The following MAP2K6 variants were observed in gnomAD, a reference collection of about 807,000 sequenced individuals.
MAP2K6 encodes mitogen-activated protein kinase kinase 6.
Under a neutral mutation model 53.7 loss-of-function variants are expected in MAP2K6, and 16 were observed. That is an observed-to-expected ratio of 0.30 (90% CI 0.20 to 0.45). MAP2K6 has a LOEUF of 0.45. Ranked by LOEUF, MAP2K6 falls within the 20% of genes least tolerant of loss-of-function variation. MAP2K6 has a pLI of 1.00. For synonymous variants in MAP2K6, 132 were observed against 143.1 expected (o/e 0.92, Z 0.55); for missense variants, 204 against 411.9 (o/e 0.50, Z 4.37).
In MAP2K6 at chr17:69,526,222, A is replaced by G. The variant is rs183191837; in HGVS notation, c.742-348A>G. On this transcript the variant is annotated intron_variant, in intron 9 of 11. Transcript: ENST00000590474. ...CTGGAAAGATCTTAGGCTGGGAATT[A>G]CTTGTCAGACCAAACGTTTGAAATC... Among the ~76,000 whole-genome samples the G allele has an allele frequency of 3.9e-5, 6 of 152,350 alleles. No individual in the cohort carries two copies. In the East Asian group the frequency reaches 9.7e-4, roughly 25 times the overall value.
intron 11 of MAP2K6, among the ~76,000 whole-genome samples, chr17:69,539,383 A>G (rs1230004220): frequency 4.6e-5 from 7 of 152,156 alleles, no homozygotes; most frequent in Non-Finnish European, 1.5e-5. Context: ...TATTATTCAT[A>G]GTCCCTCATT....
intron 1 of MAP2K6, among the ~76,000 whole-genome samples, chr17:69,454,791 T>G (rs1349707317): frequency 5.3e-5 from 8 of 152,208 alleles, no homozygotes; most frequent in Admixed American, 5.2e-4. Context: ...ATTCAAGGAC[T>G]ATTTGATAAA....
chr17:69,474,684 G>C (rs1908081601), intron 1 of MAP2K6, among the ~76,000 whole-genome samples: 1 of 152,242 alleles, frequency 6.6e-6, no homozygotes, highest in African/African-American at 2.4e-5. Flanking sequence ...AGCTGTTCCA[G>C]ATGGTGGTAA....
chr17:69,517,691 T>C (rs1048340263), intron 4 of MAP2K6, 78 bp downstream of exon 4: 13 of 929,822 alleles, frequency 1.4e-5, no homozygotes, highest in South Asian at 7.5e-5. Flanking sequence ...CCAGCCCTTT[T>C]AATAGAAGCA....
chr17:69,473,133 C>A lies in MAP2K6; in HGVS notation c.17-32647C>A, dbSNP rs1280974802. Reference sequence around the variant, plus strand: ...AGAAATATGCCGTAGGAAACTTATTCTTGTTTATATTAATTAGCCTGTGGT... The same window carrying A: ...AGAAATATGCCGTAGGAAACTTATTATTGTTTATATTAATTAGCCTGTGGT... On this transcript the variant is annotated intron_variant, in intron 1 of 11. Transcript: ENST00000590474. Among the ~76,000 whole-genome samples the A allele has an allele frequency of 5.3e-5, 8 of 152,024 alleles. No homozygotes were observed. The East Asian group carries it at 1.5e-3, about 29-fold the overall frequency.
At chr17:69,522,571 G>A (rs1252975917) in intron 7 of MAP2K6, among the ~76,000 whole-genome samples, 1 of 152,062 alleles carries the variant, frequency 6.6e-6, no homozygotes, top group African/African-American at 2.4e-5. Flanking sequence ...ATTATCCAGA[G>A]ATAATCGTAG....
At chr17:69,449,687 A>C (rs2145157291) in intron 1 of MAP2K6, among the ~76,000 whole-genome samples, 1 of 128,760 alleles carries the variant, frequency 7.8e-6, no homozygotes, top group Middle Eastern at 5.3e-3. Flanking sequence ...ATCTCGGCTC[A>C]CTGCAGGCTC....
chr17:69,533,117 C>T (rs1398600228), intron 10 of MAP2K6, among the ~76,000 whole-genome samples: 1 of 151,890 alleles, frequency 6.6e-6, no homozygotes, highest in South Asian at 2.1e-4. Context: ...TTAGTAGAGT[C>T]GGGGTTTCAC....
chr17:69,414,725 A>C lies in MAP2K6; in HGVS notation c.-260A>C, dbSNP rs1026511949. The stretch of plus-strand genomic sequence containing the variant: ...TCCAAGTTTGGAGCTTTTAGCTGCC[A>C]GCCCTGGCCCATCATGTAGCTGCAG... On this transcript the variant is annotated 5_prime_UTR_variant, in exon 1 of 12. Coordinates refer to ENST00000590474, the MANE Select transcript of MAP2K6 (RefSeq NM_002758.4). The C allele has an allele frequency of 1.2e-5, 5 of 432,944 alleles. No homozygotes were observed. The highest frequency in any genetic ancestry group is 1.7e-5 in the Non-Finnish European group (4 of 240,134). The allele number at this position is 432,944 out of a possible 1,614,324, so 26.8% of individuals were successfully genotyped here. A position where few individuals can be genotyped will look rare whatever the true frequency, so the allele number is the denominator to read the frequency against.
At chr17:69,426,456 G>A (rs2145132470) in intron 1 of MAP2K6, among the ~76,000 whole-genome samples, 1 of 152,226 alleles carries the variant, frequency 6.6e-6, no homozygotes, top group Middle Eastern at 3.4e-3. Context: ...TATATTTGAG[G>A]TACTTTGCTA....
At chr17:69,447,607 AAGTGCTGG>A (rs1404794334) in intron 1 of MAP2K6, among the ~76,000 whole-genome samples, 1 of 152,216 alleles carries the variant, frequency 6.6e-6, no homozygotes, top group Non-Finnish European at 1.5e-5. Flanking sequence ...TGGCCTCCCA[AAGTGCTGG>A]GATTACAGGC....
chr17:69,477,635 G>A (rs1021460929), intron 1 of MAP2K6: 2 of 152,168 alleles, frequency 1.3e-5, no homozygotes, highest in Non-Finnish European at 2.9e-5. Flanking sequence ...AGGGTCTAAT[G>A]AGGAAAATGC....
At chr17:69,512,909 A>G (rs1483518606) in intron 2 of MAP2K6, among the ~76,000 whole-genome samples, 1 of 152,186 alleles carries the variant, frequency 6.6e-6, no homozygotes, top group Non-Finnish European at 1.5e-5. Context: ...TTATAAATGA[A>G]TAATTATCAT....
chr17:69,451,154 T>C (rs1166770869), intron 1 of MAP2K6, among the ~76,000 whole-genome samples: 1 of 152,188 alleles, frequency 6.6e-6, no homozygotes, highest in Non-Finnish European at 1.5e-5. Flanking sequence ...GAGTTAACAA[T>C]AGCGAATGGT....
chr17:69,520,366 T>G lies in MAP2K6; in HGVS notation c.463T>G (p.Leu155Val). ...AGGCCAGACAATTCCAGAGGACATCTTAGGGAAAATAGCAGTTTCTGTGAG... is the reference window on the plus strand; with the variant it reads ...AGGCCAGACAATTCCAGAGGACATCGTAGGGAAAATAGCAGTTTCTGTGAG... ...DKGQTIPEDILGKIAVSIVKA... is the reference protein window; with the variant it reads ...DKGQTIPEDIVGKIAVSIVKA... Residue 155 changes from leucine to valine, a missense_variant, in exon 6 of 12, where the codon TTA becomes GTA. This residue lies in a region of MAP2K6 where 129 missense variants were observed against 247.1 expected (regional missense o/e 0.52). Coordinates refer to ENST00000590474, the MANE Select transcript of MAP2K6 (RefSeq NM_002758.4). 1 of 1,603,830 alleles carries G rather than the reference T, an allele frequency of 6.2e-7. No individual in the cohort carries two copies. The highest frequency in any genetic ancestry group is 1.1e-5 in the South Asian group (1 of 89,364).
At chr17:69,523,032 G>C (rs964879913) in intron 7 of MAP2K6, among the ~76,000 whole-genome samples, 1 of 152,184 alleles carries the variant, frequency 6.6e-6, no homozygotes, top group Non-Finnish European at 1.5e-5. Flanking sequence ...CTGCACACCG[G>C]TTGAGTGACA....
At chr17:69,503,346 C>G (rs1444144647) in intron 1 of MAP2K6, among the ~76,000 whole-genome samples, 2 of 152,198 alleles carry the variant, frequency 1.3e-5, no homozygotes, top group Non-Finnish European at 2.9e-5. Context: ...ATTCTCATAA[C>G]TGGGTCCAGC....
chr17:69,535,227 C>T (rs1163942220), intron 10 of MAP2K6, among the ~76,000 whole-genome samples: 8 of 152,160 alleles, frequency 5.3e-5, no homozygotes, highest in East Asian at 3.9e-4. Context: ...TCACTGAGTG[C>T]GCTCTCTCTT....
chr17:69,541,780 C>CT lies in MAP2K6; in HGVS notation c.*28dup, dbSNP rs1911650536. On this transcript the variant is annotated 3_prime_UTR_variant, in exon 12 of 12. Transcript: ENST00000590474. ...AAGCAGTGGACTTAATCGGTTGACC[C>CT]TACTGTGGATTGGTGGGTTTCGGGG... 6.3e-7 allele frequency: 1 copy of CT among 1,585,140 alleles called. No homozygotes were observed.
Sources: gnomAD v4.1 joint callset for allele counts (sites outside exome capture counted in the v4.1 genomes callset) on GRCh38, gnomAD v4.1.1 for gene constraint, gnomAD v4.1.1 regional missense constraint, MANE v1.5 for transcripts, NCBI Gene and HGNC (gene_info 2026-07-23, HGNC 2026-07-21) for gene names.